Variants in LIN7C observed in about 807,000 individuals in gnomAD.
LIN7C encodes the protein protein lin-7 homolog C.
LIN7C carries 17 observed loss-of-function variants against 24.7 expected under a neutral mutation model. The ratio of observed to expected loss-of-function variants is 0.69; its 90% CI spans 0.47 to 1.03. The LOEUF (loss-of-function observed/expected upper bound fraction) is 1.03, where lower values mean the gene tolerates loss of function less well. LIN7C is among the 50% of genes least tolerant of loss of function. The pLI, the probability that LIN7C is intolerant of heterozygous loss-of-function variation, is 0.00. For synonymous variants in LIN7C, 90 were observed against 83.4 expected (o/e 1.08, Z -0.43); for missense variants, 204 against 239.0 (o/e 0.85, Z 0.97).
In LIN7C at chr11:27,506,732, G is replaced by C. The variant is rs372120076; in HGVS notation, c.21C>G (p.Pro7=). MAALGE[P]VRLERDICRA... The stretch of plus-strand genomic sequence containing the variant: ...TGCACTCACCTCTCTCCAGCCGCAC[G>C]GGTTCCCCTAGCGCCGCCATCTTCT... Residue 7 remains proline (P), a synonymous_variant, in exon 1 of 5, where the codon CCC becomes CCG. Coordinates refer to ENST00000278193, the MANE Select transcript of LIN7C (RefSeq NM_018362.4). The C allele has an allele frequency of 6.2e-7, 1 of 1,614,054 alleles. No individual in the cohort carries two copies.
rs1865177834 is a variant in LIN7C, at chr11:27,497,011, A to T, written c.*1638T>A. The T allele has an allele frequency of 1.3e-5, 2 of 152,600 alleles. No homozygotes were observed. Among genetic ancestry groups the T allele is most frequent in the Admixed American group, 1.3e-4 (2 of 15,280 alleles). 9.5% of individuals were successfully genotyped at this position (152,600 alleles called of 1,614,324 possible). A position where few individuals can be genotyped will look rare whatever the true frequency, so the allele number is the denominator to read the frequency against. The stretch of plus-strand genomic sequence containing the variant: ...TTGGTCTCAACATTTTTAAAACATC[A>T]ATTAATTTTGAAAATTTACAATTTA... On this transcript the variant is annotated 3_prime_UTR_variant, in exon 5 of 5. Transcript: ENST00000278193.
intron 1 of LIN7C, among the ~76,000 whole-genome samples, chr11:27,505,857 TG>T (rs1439595885): frequency 6.6e-6 from 1 of 152,224 alleles, no homozygotes; most frequent in African/African-American, 2.4e-5. Flanking sequence ...ATGAAAAGCA[TG>T]CTTGAAATTG....
At position 27,498,805 on chromosome 11, in the gene LIN7C, C is replaced by G; in HGVS notation, c.439-1G>C. The G allele has an allele frequency of 3.7e-6, 6 of 1,606,638 alleles. No homozygotes were observed. Among genetic ancestry groups the G allele is most frequent in the Non-Finnish European group, 5.1e-6 (6 of 1,177,796 alleles). Reference sequence around the variant, plus strand: ...TTTCATGATGTTCTCCTTCAACACTCTAGGGGAAAAAAAAACAACCAACCA... The same window carrying G: ...TTTCATGATGTTCTCCTTCAACACTGTAGGGGAAAAAAAAACAACCAACCA... On this transcript the variant is annotated splice_acceptor_variant, in intron 4 of 4. Coordinates refer to ENST00000278193, the MANE Select transcript of LIN7C (RefSeq NM_018362.4). LOFTEE classifies it high-confidence loss of function.
intron 4 of LIN7C, among the ~76,000 whole-genome samples, chr11:27,499,082 G>A (rs1865196585): frequency 6.6e-6 from 1 of 151,984 alleles, no homozygotes; most frequent in Non-Finnish European, 1.5e-5. Flanking sequence ...TCAAGCAATT[G>A]GCATTTTATA....
Position 27,497,151 on chromosome 11 carries a change from T to C in LIN7C, c.*1498A>G, listed in dbSNP as rs1169588904. The C allele has an allele frequency of 1.3e-5, 2 of 152,582 alleles. No homozygotes were observed. The highest frequency in any genetic ancestry group is 2.9e-5 in the Non-Finnish European group (2 of 67,964). The allele number at this position is 152,582 out of a possible 1,614,324, so 9.5% of individuals were successfully genotyped here. The stretch of plus-strand genomic sequence containing the variant: ...AAATAACAATGCTGATTGACTTTTA[T>C]TTTGAAAAATCATTGAAAACTGGAA... On this transcript the variant is annotated 3_prime_UTR_variant, in exon 5 of 5. Transcript: ENST00000278193.
In LIN7C at chr11:27,495,084, T is replaced by C. The variant is rs1032504092; in HGVS notation, c.*3565A>G. On this transcript the variant is annotated 3_prime_UTR_variant, in exon 5 of 5. Coordinates refer to ENST00000278193, the MANE Select transcript of LIN7C (RefSeq NM_018362.4). ...AATGCTATAATATCCATTTTAATTG[T>C]AAACAAAGTACTTGAGCCAGACTAC... 3 of 152,638 alleles carry C rather than the reference T, an allele frequency of 2.0e-5. No individual in the cohort carries two copies. The highest frequency in any genetic ancestry group is 6.5e-5 in the Admixed American group (1 of 15,272). 9.5% of individuals were successfully genotyped at this position (152,638 alleles called of 1,614,324 possible).
At chr11:27,500,185 A>G (rs917880710) in intron 3 of LIN7C, among the ~76,000 whole-genome samples, 2 of 152,076 alleles carry the variant, frequency 1.3e-5, no homozygotes, top group Non-Finnish European at 2.9e-5. Flanking sequence ...GGGCAGACTG[A>G]TATTGTACAT....
chr11:27,506,617 GC>G, intron 1 of LIN7C, 98 bp downstream of exon 1: 1 of 1,375,272 alleles, frequency 7.3e-7, no homozygotes, highest in Non-Finnish European at 1.0e-6. Context: ...GGACAGCGTG[GC>G]CCGGATCTCA....
chr11:27,506,622 G>A, intron 1 of LIN7C, 94 bp downstream of exon 1: 8 of 1,426,860 alleles, frequency 5.6e-6, no homozygotes, highest in Non-Finnish European at 7.8e-6. Context: ...GCGTGGCCCG[G>A]ATCTCAGAGC....
rs917570250 is a variant in LIN7C, at chr11:27,498,742, A to T, written c.501T>A (p.Val167=). 2.5e-6 allele frequency: 4 copies of T among 1,613,930 alleles called. No individual in the cohort carries two copies. The highest frequency in any genetic ancestry group is 3.4e-6 in the Non-Finnish European group (4 of 1,179,940). Residue 167 remains valine, a synonymous_variant, in exon 5 of 5, where the codon GTT becomes GTA. Coordinates refer to ENST00000278193, the MANE Select transcript of LIN7C (RefSeq NM_018362.4). Reference sequence around the variant, plus strand: ...TGGGTGTGTATCGTACCACTAATTTAACCTTTCCTTGTGCGGCTTTCAGCA... The same window carrying T: ...TGGGTGTGTATCGTACCACTAATTTTACCTTTCCTTGTGCGGCTTTCAGCA... ...VELLKAAQGK[V]KLVVRYTPKV...
rs768921947 is a variant in LIN7C, at chr11:27,499,392, T to C, written c.405A>G (p.Lys135=). 5.0e-6 allele frequency: 8 copies of C among 1,614,118 alleles called. No homozygotes were observed. Among genetic ancestry groups the C allele is most frequent in the Non-Finnish European group, 6.8e-6 (8 of 1,179,974 alleles). Residue 135 remains lysine (K), a synonymous_variant, in exon 4 of 5, where the codon AAA becomes AAG. Coordinates refer to ENST00000278193, the MANE Select transcript of LIN7C (RefSeq NM_018362.4). ...TAACAGAGAGGAGTTGATCTCCACG[T>C]TTGAGGCCCCCATGTCTATCAGCAA... ...GGIADRHGGL[K]RGDQLLSVNG...
In LIN7C at chr11:27,496,668, T is replaced by G. The variant is rs952904802; in HGVS notation, c.*1981A>C. The G allele has an allele frequency of 6.6e-6, 1 of 152,068 alleles. No individual in the cohort carries two copies. Among genetic ancestry groups the G allele is most frequent in the Non-Finnish European group, 1.5e-5 (1 of 68,004 alleles). 9.4% of individuals were successfully genotyped at this position (152,068 alleles called of 1,614,324 possible). A position where few individuals can be genotyped will look rare whatever the true frequency, so the allele number is the denominator to read the frequency against. On this transcript the variant is annotated 3_prime_UTR_variant, in exon 5 of 5. Coordinates refer to ENST00000278193, the MANE Select transcript of LIN7C (RefSeq NM_018362.4). ...TTGTGGATTACCGTAGGGAAAAAAA[T>G]AGCTTACTCAACTTACTAAAAGTTT... is the stretch of plus-strand genomic sequence containing the variant.
chr11:27,498,492 T>C lies in LIN7C; in HGVS notation c.*157A>G, dbSNP rs1026012034. The C allele has an allele frequency of 7.2e-6, 5 of 697,118 alleles. No individual in the cohort carries two copies. The African/African-American group carries it at 7.3e-5, about 10-fold the overall frequency. 43.2% of individuals were successfully genotyped at this position (697,118 alleles called of 1,614,324 possible). A position where few individuals can be genotyped will look rare whatever the true frequency, so the allele number is the denominator to read the frequency against. On this transcript the variant is annotated 3_prime_UTR_variant, in exon 5 of 5. Coordinates refer to ENST00000278193, the MANE Select transcript of LIN7C (RefSeq NM_018362.4). ...AAAAGTGTATGCATCTCTGGAACCA[T>C]AAATGATGTTAAAATAGGCATTTAT...
In LIN7C at chr11:27,501,497, T is replaced by G. The variant is rs1328542646; in HGVS notation, c.226A>C (p.Lys76Gln). ...TTTTGGAAAACAAAAAAATTTACCT[T>G]TGCAGTAGCGTTCGCTCTCACTTCA... is the stretch of plus-strand genomic sequence containing the variant. Reference protein sequence around the residue: ...SPEVRANATAKATVAAFAASE... With the variant: ...SPEVRANATAQATVAAFAASE... Residue 76 changes from lysine (K) to glutamine (Q), a missense_variant and splice_region_variant, in exon 3 of 5, where the codon AAG becomes CAG. Around this residue, in one of 3 missense-constraint regions of LIN7C, gnomAD observed 126 missense variants for 117.8 expected, o/e 1.07. Transcript: ENST00000278193. The G allele has an allele frequency of 1.3e-6, 2 of 1,591,158 alleles. No individual in the cohort carries two copies. The highest frequency in any genetic ancestry group is 2.7e-5 in the African/African-American group (2 of 73,826).
Position 27,496,625 on chromosome 11 carries a change from AC to A in LIN7C, c.*2023del, listed in dbSNP as rs1307304297. On this transcript the variant is annotated 3_prime_UTR_variant, in exon 5 of 5. Transcript: ENST00000278193. ...TTTTAAGAATTATAAATAGGTGTCA[AC>A]CCACACAAAGAACAGATTGTGGATT... 3 of 152,176 alleles carry A rather than the reference AC, an allele frequency of 2.0e-5. No homozygotes were observed. Among genetic ancestry groups the A allele is most frequent in the African/African-American group, 7.2e-5 (3 of 41,452 alleles). The allele number at this position is 152,176 out of a possible 1,614,324, so 9.4% of individuals were successfully genotyped here.
chr11:27,498,670 T>C lies in LIN7C; in HGVS notation c.573A>G (p.Ala191=). 1 of 1,614,086 alleles carries C rather than the reference T, an allele frequency of 6.2e-7. No homozygotes were observed. The change falls in exon 5 of 5, where the codon GCA becomes GCG. Residue 191 remains alanine (A), a synonymous_variant. Transcript: ENST00000278193. ...TGTATTAGGTCTGTTGCCTGCGTTT[T>C]GCTGATCTCATTTTTTCAAAGCGCG... The part of the protein sequence containing the change: ...MESRFEKMRS[A]KRRQQT
At position 27,497,096 on chromosome 11, in the gene LIN7C, A is replaced by T. The variant is rs140284809; in HGVS notation, c.*1553T>A. On this transcript the variant is annotated 3_prime_UTR_variant, in exon 5 of 5. Coordinates refer to ENST00000278193, the MANE Select transcript of LIN7C (RefSeq NM_018362.4). ...TAGTGGATTAAAGACACATTCAACC[A>T]TGCAATCCAGTGTTCAATACCTTAA... is the stretch of plus-strand genomic sequence containing the variant. The T allele has an allele frequency of 4.6e-5, 7 of 152,706 alleles. No individual in the cohort carries two copies. In the East Asian group the frequency reaches 1.3e-3, roughly 29 times the overall value. 9.5% of individuals were successfully genotyped at this position (152,706 alleles called of 1,614,324 possible).
In LIN7C at chr11:27,495,236, G is replaced by C. The variant is rs999542052; in HGVS notation, c.*3413C>G. The C allele has an allele frequency of 2.6e-5, 4 of 152,180 alleles. No individual in the cohort carries two copies. The highest frequency in any genetic ancestry group is 1.9e-4 in the East Asian group (1 of 5,190). 9.4% of individuals were successfully genotyped at this position (152,180 alleles called of 1,614,324 possible). A position where few individuals can be genotyped will look rare whatever the true frequency, so the allele number is the denominator to read the frequency against. On this transcript the variant is annotated 3_prime_UTR_variant, in exon 5 of 5. Transcript: ENST00000278193. ...TAATTCCAGCACTTTGGGAGGCCGA[G>C]GCGGGCGAATCACGAGGTCAGGAGA...
At chr11:27,502,662 T>C (rs1413988593) in intron 1 of LIN7C, among the ~76,000 whole-genome samples, 1 of 152,234 alleles carries the variant, frequency 6.6e-6, no homozygotes, top group African/African-American at 2.4e-5. Context: ...GATGTCCTTA[T>C]GTCTCAGTTT....
Sources: allele counts gnomAD v4.1 joint callset (sites outside exome capture counted in the v4.1 genomes callset), GRCh38; gene constraint gnomAD v4.1.1; regional missense constraint gnomAD v4.1.1; transcripts MANE v1.5; gene names NCBI Gene and HGNC (gene_info 2026-07-23, HGNC 2026-07-21).